Variants in RASAL2 observed in about 807,000 individuals in gnomAD.
RASAL2 encodes ras GTPase-activating protein nGAP.
RASAL2 carries 58 observed loss-of-function variants against 128.9 expected under a neutral mutation model. The observed-to-expected ratio is 0.45, with a 90% CI of 0.36 to 0.56. The LOEUF is 0.56. RASAL2 is among the 20% of genes least tolerant of loss of function. The pLI is 0.00. For missense variants in RASAL2, 1,360 were observed against 1,601.6 expected (o/e 0.85, Z 2.57); for synonymous variants, 561 against 580.8 (o/e 0.97, Z 0.49).
At chr1:178,464,913 C>G (rs548078188) in intron 15 of RASAL2, among the ~76,000 whole-genome samples, 1 of 117,106 alleles carries the variant, frequency 8.5e-6, no homozygotes, top group East Asian at 2.8e-4. Flanking sequence ...AGGATATTAT[C>G]TATTGTTTAG....
intron 4 of RASAL2, among the ~76,000 whole-genome samples, chr1:178,414,447 T>C (rs1384548102): frequency 6.6e-6 from 1 of 152,176 alleles, no homozygotes; most frequent in Non-Finnish European, 1.5e-5. Flanking sequence ...AACCCTAAAG[T>C]AAACTATGGA....
At chr1:178,376,338 G>A (rs1671987555) in intron 3 of RASAL2, among the ~76,000 whole-genome samples, 1 of 152,144 alleles carries the variant, frequency 6.6e-6, no homozygotes, top group African/African-American at 2.4e-5. Context: ...GAAACCACAG[G>A]TTAAGCCTTT....
At chr1:178,322,654 A>T (rs1229839428) in intron 3 of RASAL2, among the ~76,000 whole-genome samples, 1 of 152,134 alleles carries the variant, frequency 6.6e-6, no homozygotes, top group East Asian at 1.9e-4. Flanking sequence ...ATAGCTACTC[A>T]TATATCTTTT....
chr1:178,268,252 G>A lies in RASAL2; in HGVS notation c.203-15312G>A, dbSNP rs546161467. Among the ~76,000 whole-genome samples the A allele has an allele frequency of 7.9e-5, 12 of 152,128 alleles. No individual in the cohort carries two copies. In the East Asian group the frequency reaches 1.5e-3, roughly 20 times the overall value. On this transcript the variant is annotated intron_variant, in intron 1 of 17. Coordinates refer to ENST00000367649, the MANE Select transcript of RASAL2 (RefSeq NM_170692.4). ...TAGGAGGCCGAGGCGGGTGGATCACGAAGTCAAGAGATGGAGACCATCCTG... is the reference window on the plus strand; with the variant it reads ...TAGGAGGCCGAGGCGGGTGGATCACAAAGTCAAGAGATGGAGACCATCCTG...
At chr1:178,344,281 G>A (rs1021268481) in intron 3 of RASAL2, among the ~76,000 whole-genome samples, 2 of 152,176 alleles carry the variant, frequency 1.3e-5, no homozygotes, top group Non-Finnish European at 2.9e-5. Context: ...GAAAGGAACT[G>A]CTTTCTTTGC....
intron 1 of RASAL2, among the ~76,000 whole-genome samples, chr1:178,130,016 T>A (rs1660044221): frequency 1.3e-5 from 2 of 152,098 alleles, no homozygotes; most frequent in Admixed American, 6.6e-5. Flanking sequence ...TATTACAGAG[T>A]TTCCCTTTTT....
rs1349289285 is a variant in RASAL2 at position 178,447,224 on chromosome 1, A to C, written c.1627+1562A>C. 2.6e-5 allele frequency among the ~76,000 whole-genome samples: 4 copies of C among 151,536 alleles called. No homozygotes were observed. The East Asian group carries it at 7.8e-4, about 30-fold the overall frequency. On this transcript the variant is annotated intron_variant, in intron 9 of 17. Transcript: ENST00000367649. ...ATAGTTCCAGCTACTCAGGAGGCCAAGGTAAGAGAACTGCTTGAGCCCAGG... is the reference window on the plus strand; with the variant it reads ...ATAGTTCCAGCTACTCAGGAGGCCACGGTAAGAGAACTGCTTGAGCCCAGG...
At chr1:178,400,967 TC>T (rs1673588667) in intron 4 of RASAL2, among the ~76,000 whole-genome samples, 1 of 152,168 alleles carries the variant, frequency 6.6e-6, no homozygotes, top group African/African-American at 2.4e-5. Context: ...GCCAGGCTGG[TC>T]TTGAACTCCT....
chr1:178,250,597 G>A (rs1459307457), intron 1 of RASAL2, among the ~76,000 whole-genome samples: 1 of 152,158 alleles, frequency 6.6e-6, no homozygotes, highest in African/African-American at 2.4e-5. Flanking sequence ...CTGTCTTGCT[G>A]GGGTTCCAGG....
At chr1:178,162,309 A>ATATATATG (rs71108030) in intron 1 of RASAL2, among the ~76,000 whole-genome samples, 1 of 116,524 alleles carries the variant, frequency 8.6e-6, no homozygotes, top group African/African-American at 3.2e-5. Flanking sequence ...ATATATATAT[A>ATATATATG]ATGTATTATA....
At chr1:178,358,955 C>A (rs1670963918) in intron 3 of RASAL2, among the ~76,000 whole-genome samples, 1 of 151,950 alleles carries the variant, frequency 6.6e-6, no homozygotes, top group South Asian at 2.1e-4. Flanking sequence ...TTGTTATATT[C>A]AAACAATGTA....
In RASAL2 at chr1:178,296,091, GTA is replaced by G. The variant is rs551999060; in HGVS notation, c.331-3893_331-3892del. 8.8e-4 allele frequency among the ~76,000 whole-genome samples: 133 copies of G among 151,090 alleles called. 2 individuals are homozygous for G. In the South Asian group the frequency reaches 0.026, roughly 30 times the overall value. On this transcript the variant is annotated intron_variant, in intron 2 of 17. Transcript: ENST00000367649. ...TATATGTATGTGTATATATGTGTGT[GTA>G]TATATATGTGTATATATGTGTGTAT...
intron 1 of RASAL2, among the ~76,000 whole-genome samples, chr1:178,175,168 C>A (rs1039208859): frequency 6.6e-6 from 1 of 152,038 alleles, no homozygotes; most frequent in South Asian, 2.1e-4. Flanking sequence ...CCTTTCATTG[C>A]CATGATTTTG....
chr1:178,122,028 G>A (rs1659736682), intron 1 of RASAL2, among the ~76,000 whole-genome samples: 1 of 151,900 alleles, frequency 6.6e-6, no homozygotes, highest in Non-Finnish European at 1.5e-5. Context: ...CCTGGCTCTA[G>A]GACCAAGTCA....
chr1:178,159,545 G>T (rs754425947), intron 1 of RASAL2, among the ~76,000 whole-genome samples: 1 of 152,088 alleles, frequency 6.6e-6, no homozygotes, highest in Admixed American at 6.5e-5. Flanking sequence ...ACATCCACTT[G>T]TTCTTTTCTA....
At chr1:178,463,804 G>T (rs1012512848) in intron 14 of RASAL2, among the ~76,000 whole-genome samples, 2 of 152,126 alleles carry the variant, frequency 1.3e-5, no homozygotes, top group African/African-American at 4.8e-5. Flanking sequence ...TTGTGAGTTT[G>T]TTTAGCACTA....
At chr1:178,421,879 C>T (rs1049759346) in intron 5 of RASAL2, among the ~76,000 whole-genome samples, 1 of 151,566 alleles carries the variant, frequency 6.6e-6, no homozygotes, top group African/African-American at 2.4e-5. Context: ...TTTTATACCT[C>T]TTTGTTTTAA....
At chr1:178,414,353 A>C (rs1292754134) in intron 4 of RASAL2, among the ~76,000 whole-genome samples, 2 of 152,168 alleles carry the variant, frequency 1.3e-5, no homozygotes, top group Non-Finnish European at 2.9e-5. Flanking sequence ...TTGAGTAGTA[A>C]ATATACTCTG....
chr1:178,441,280 C>T (rs1168988236), intron 6 of RASAL2, among the ~76,000 whole-genome samples: 3 of 152,066 alleles, frequency 2.0e-5, no homozygotes, highest in Admixed American at 6.6e-5. Context: ...AGTACATTTT[C>T]GTCAGAGGAT....
Sources: allele counts gnomAD v4.1 joint callset (sites outside exome capture counted in the v4.1 genomes callset), GRCh38; gene constraint gnomAD v4.1.1; transcripts MANE v1.5; gene names NCBI Gene and HGNC (gene_info 2026-07-23, HGNC 2026-07-21).